ATP13A3: variants seen among roughly 807,000 people sequenced by gnomAD.
ATP13A3 encodes polyamine-transporting ATPase 13A3.
ATP13A3 carries 59 observed loss-of-function variants against 158.1 expected under a neutral mutation model. The ratio of observed to expected loss-of-function variants is 0.37; its 90% CI spans 0.30 to 0.46. The LOEUF is 0.46. ATP13A3 is among the 20% of genes least tolerant of loss of function. ATP13A3 has a pLI of 1.00. For synonymous variants in ATP13A3, 491 were observed against 504.3 expected, an observed-to-expected ratio of 0.97 and a Z score of 0.35; for missense variants, 1,166 against 1,525.2, an observed-to-expected ratio of 0.76 and a Z score of 3.92.
At position 194,436,785 on chromosome 3, in the gene ATP13A3, T is replaced by G. The variant is rs147038486; in HGVS notation, c.2120+310A>C. On this transcript the variant is annotated intron_variant, in intron 20 of 33. Coordinates refer to ENST00000645319, the MANE Select transcript of ATP13A3 (RefSeq NM_001367549.1). The stretch of plus-strand genomic sequence containing the variant: ...ATTGCTTGAACCGGGGAGGTGGAGG[T>G]TGCAGTGACCCGAGACTTGCGCCAC... Among the ~76,000 whole-genome samples, 484 of 151,982 alleles carry G rather than the reference T, an allele frequency of 3.2e-3. 3 individuals carry two copies. Among genetic ancestry groups the G allele is most frequent in the Non-Finnish European group, 5.4e-3 (366 of 67,956 alleles).
chr3:194,492,752 C>T (rs1721160666), intron 2 of ATP13A3, among the ~76,000 whole-genome samples: 1 of 152,070 alleles, frequency 6.6e-6, no homozygotes, highest in Non-Finnish European at 1.5e-5. Context: ...CACCACAACC[C>T]GTGATCTATA....
chr3:194,449,112 CAA>C (rs1258585667), intron 11 of ATP13A3, among the ~76,000 whole-genome samples: 4 of 149,018 alleles, frequency 2.7e-5, no homozygotes, highest in Admixed American at 2.7e-4. Context: ...GACAGCTGGG[CAA>C]AAAAGAGATG....
intron 2 of ATP13A3, among the ~76,000 whole-genome samples, chr3:194,481,473 AG>A (rs1720747719): frequency 6.6e-6 from 1 of 152,184 alleles, no homozygotes; most frequent in African/African-American, 2.4e-5. Flanking sequence ...AGCTAGAGAA[AG>A]GATCTGGGGT....
At chr3:194,428,326 C>A (rs1414065974) in intron 28 of ATP13A3, among the ~76,000 whole-genome samples, 1 of 151,898 alleles carries the variant, frequency 6.6e-6, no homozygotes, top group African/African-American at 2.4e-5. Context: ...CCTCATCAAA[C>A]TTTCACTAGT....
rs562933681 is a variant in ATP13A3 at position 194,458,412 on chromosome 3, G to A, written c.479+1059C>T. 7.9e-5 allele frequency among the ~76,000 whole-genome samples: 12 copies of A among 151,854 alleles called. No individual in the cohort carries two copies. In the South Asian group the frequency reaches 2.1e-3, roughly 26 times the overall value. ...GCAATTTTCTTTGTTTTTATGAGAC[G>A]CAGTTTCGCTCTTTGGCCCAGGCTG... is the stretch of plus-strand genomic sequence containing the variant. On this transcript the variant is annotated intron_variant, in intron 6 of 33. Transcript: ENST00000645319.
intron 15 of ATP13A3, 72 bp downstream of exon 15, chr3:194,444,653 T>C: frequency 8.3e-6 from 11 of 1,322,892 alleles, no homozygotes; most frequent in Non-Finnish European, 1.0e-5. Context: ...TTACTTCCTT[T>C]ATGTTTGAAT....
chr3:194,426,361 T>C (rs1716774744), intron 29 of ATP13A3, among the ~76,000 whole-genome samples: 2 of 152,204 alleles, frequency 1.3e-5, no homozygotes, highest in African/African-American at 4.8e-5. Flanking sequence ...TTAATTAAAA[T>C]GTTATAATTT....
rs764501190 is a variant in ATP13A3 at position 194,431,751 on chromosome 3, G to T, written c.2387C>A (p.Thr796Lys). The change falls in exon 22 of 34, where the codon ACG becomes AAG. Residue 796 changes from threonine to lysine, a missense_variant. This residue lies in a region of ATP13A3 where 997 missense variants were observed against 1,341.2 expected (regional missense o/e 0.74). Transcript: ENST00000645319. ...AATTGCTGATGGATGACTGCACTGC[G>T]TGAGGGAGTCTGCATAATGCCAATT... ...KINWHYADSL[T>K]QCSHPSAIDP... 1.2e-6 allele frequency: 2 copies of T among 1,610,218 alleles called. No individual in the cohort carries two copies. The highest frequency in any genetic ancestry group is 2.7e-5 in the African/African-American group (2 of 74,646).
chr3:194,454,593 C>A (rs896011553), intron 8 of ATP13A3, among the ~76,000 whole-genome samples: 3 of 151,080 alleles, frequency 2.0e-5, no homozygotes, highest in Non-Finnish European at 3.0e-5. Context: ...CTTTGGGAGG[C>A]CAAGGCGGGC....
In ATP13A3 at chr3:194,431,155, A is replaced by G. The variant is rs931272292; in HGVS notation, c.2493T>C (p.Asn831=). 30 of 1,613,892 alleles carry G rather than the reference A, an allele frequency of 1.9e-5. No individual in the cohort carries two copies. Among genetic ancestry groups the G allele is most frequent in the Non-Finnish European group, 2.4e-5 (28 of 1,179,854 alleles). Reference sequence around the variant, plus strand: ...CCAGTATCACTGAGAATGATTTTCCATTCATTGCAAAATGATAACGAGTCA... The same window carrying G: ...CCAGTATCACTGAGAATGATTTTCCGTTCATTGCAAAATGATAACGAGTCA... The part of the protein sequence containing the change: ...LQMTRYHFAM[N]GKSFSVILEH... Residue 831 remains asparagine, a synonymous_variant, in exon 23 of 34, where the codon AAT becomes AAC. Coordinates refer to ENST00000645319, the MANE Select transcript of ATP13A3 (RefSeq NM_001367549.1).
intron 31 of ATP13A3, 83 bp from the exon 32 acceptor site, chr3:194,413,922 G>T: frequency 8.4e-7 from 1 of 1,183,958 alleles, no homozygotes; most frequent in Non-Finnish European, 1.3e-6. Flanking sequence ...TAAATTTATT[G>T]AATTCCTATG....
intron 16 of ATP13A3, among the ~76,000 whole-genome samples, chr3:194,439,186 C>T (rs551898127): frequency 7.2e-5 from 11 of 152,134 alleles, no homozygotes; most frequent in Non-Finnish European, 1.5e-4. Context: ...TACCTAGCAA[C>T]CCATGGGAGA....
intron 2 of ATP13A3, among the ~76,000 whole-genome samples, chr3:194,481,179 T>A (rs73073169): frequency 0.016 from 2,438 of 151,054 alleles, 76 homozygotes; most frequent in African/African-American, 0.056. Context: ...GTCTTTTATA[T>A]CAAAATAAAT....
At chr3:194,416,437 G>A (rs1379911971) in intron 31 of ATP13A3, among the ~76,000 whole-genome samples, 4 of 151,612 alleles carry the variant, frequency 2.6e-5, no homozygotes, top group Non-Finnish European at 4.4e-5. Context: ...CAGCCTGGGC[G>A]ACAGAGCGAG....
chr3:194,475,002 G>A (rs1175976657), intron 2 of ATP13A3, among the ~76,000 whole-genome samples: 3 of 151,756 alleles, frequency 2.0e-5, no homozygotes, highest in Non-Finnish European at 4.4e-5. Context: ...AAAAAGTAAC[G>A]TTCTGCATAG....
chr3:194,421,128 A>T (rs1716278083), intron 30 of ATP13A3, among the ~76,000 whole-genome samples: 1 of 58,746 alleles, frequency 1.7e-5, no homozygotes, highest in Non-Finnish European at 2.7e-5. Flanking sequence ...ATATATATAT[A>T]TATATATAGT....
intron 30 of ATP13A3, among the ~76,000 whole-genome samples, chr3:194,425,008 G>A (rs991169831): frequency 4.6e-5 from 7 of 151,854 alleles, no homozygotes; most frequent in Admixed American, 2.0e-4. Context: ...CTCCGTCTCC[G>A]CCCCCGATCC....
At chr3:194,477,542 C>T (rs1050392547) in intron 2 of ATP13A3, among the ~76,000 whole-genome samples, 2 of 152,216 alleles carry the variant, frequency 1.3e-5, no homozygotes, top group Admixed American at 1.3e-4. Context: ...ACACAACCTC[C>T]ACCACAGCAC....
chr3:194,410,624 A>C (rs1255692736), intron 33 of ATP13A3, among the ~76,000 whole-genome samples: 1 of 152,158 alleles, frequency 6.6e-6, no homozygotes, highest in Non-Finnish European at 1.5e-5. Context: ...CAGAGACCAA[A>C]AAAAGAATTT....
Sources: gnomAD v4.1 joint callset for allele counts (sites outside exome capture counted in the v4.1 genomes callset) on GRCh38, gnomAD v4.1.1 for gene constraint, gnomAD v4.1.1 regional missense constraint, MANE v1.5 for transcripts, NCBI Gene and HGNC (gene_info 2026-07-23, HGNC 2026-07-21) for gene names.